Variants in TFEC observed in about 807,000 individuals in gnomAD.
TFEC encodes transcription factor EC.
TFEC carries 31 observed loss-of-function variants against 41.6 expected under a neutral mutation model. The ratio of observed to expected loss-of-function variants is 0.74; its 90% CI spans 0.56 to 1.01. The LOEUF (loss-of-function observed/expected upper bound fraction) is 1.01. TFEC is among the 50% of genes least tolerant of loss of function. The pLI, the probability that TFEC is intolerant of heterozygous loss-of-function variation, is 0.00. For missense variants in TFEC, 402 were observed against 404.1 expected, an observed-to-expected ratio of 0.99 and a Z score of 0.04; for synonymous variants, 143 against 140.6, an observed-to-expected ratio of 1.02 and a Z score of -0.12.
At chr7:115,998,070 G>A (rs1794438512) in intron 1 of TFEC, among the ~76,000 whole-genome samples, 1 of 151,974 alleles carries the variant, frequency 6.6e-6, no homozygotes, top group African/African-American at 2.4e-5. Flanking sequence ...AACTTCCCAA[G>A]CCTAGAGAAA....
chr7:116,121,183 A>C (rs1229904561), intron 1 of TFEC, among the ~76,000 whole-genome samples: 3 of 152,028 alleles, frequency 2.0e-5, no homozygotes, highest in Non-Finnish European at 4.4e-5. Context: ...CTGCAAAATG[A>C]GGTATATACC....
chr7:116,013,694 A>G (rs1795086976), intron 1 of TFEC, among the ~76,000 whole-genome samples: 1 of 152,174 alleles, frequency 6.6e-6, no homozygotes, highest in African/African-American at 2.4e-5. Context: ...TTATCAGTTA[A>G]TAAGTATAAT....
chr7:115,978,079 T>C (rs954289360), intron 2 of TFEC, among the ~76,000 whole-genome samples: 1 of 152,104 alleles, frequency 6.6e-6, no homozygotes, highest in Non-Finnish European at 1.5e-5. Context: ...AGAATATAAA[T>C]GAGTTAACAT....
At chr7:116,094,489 G>A (rs1399063766) in intron 3 of TFEC, among the ~76,000 whole-genome samples, 2 of 151,896 alleles carry the variant, frequency 1.3e-5, no homozygotes, top group Non-Finnish European at 2.9e-5. Context: ...GACCATCCTG[G>A]CTAATATGAT....
At chr7:116,111,140 G>T (rs1562973039) in intron 2 of TFEC, among the ~76,000 whole-genome samples, 1 of 151,228 alleles carries the variant, frequency 6.6e-6, no homozygotes, top group African/African-American at 2.4e-5. Flanking sequence ...AGAAGAAACA[G>T]TTGGCATTCA....
At chr7:116,082,694 T>C (rs1797117798) in intron 3 of TFEC, among the ~76,000 whole-genome samples, 1 of 152,082 alleles carries the variant, frequency 6.6e-6, no homozygotes, top group East Asian at 1.9e-4. Context: ...TGCCATAATT[T>C]TTTTTGGCAA....
At chr7:116,033,488 T>C (rs143770558), upstream of TFEC, among the ~76,000 whole-genome samples, 255 of 152,270 alleles carry the variant, frequency 1.7e-3, 1 homozygote, top group African/African-American at 5.7e-3. Flanking sequence ...ATGTGAGTTT[T>C]ACCCATTTTC....
intron 1 of TFEC, among the ~76,000 whole-genome samples, chr7:116,138,372 G>A (rs1223065542): frequency 6.6e-6 from 1 of 152,040 alleles, no homozygotes; most frequent in African/African-American, 2.4e-5. Flanking sequence ...GTTCCATTCT[G>A]ACTTTTGTCC....
chr7:116,146,726 A>G (rs1019175675), intron 1 of TFEC, among the ~76,000 whole-genome samples: 1 of 152,194 alleles, frequency 6.6e-6, no homozygotes, highest in East Asian at 1.9e-4. Context: ...CAAGGAACAA[A>G]CAATCATGAG....
intron 3 of TFEC, among the ~76,000 whole-genome samples, chr7:116,080,154 T>G (rs1319570063): frequency 6.6e-6 from 1 of 152,058 alleles, no homozygotes; most frequent in Non-Finnish European, 1.5e-5. Context: ...TAGATCCTCA[T>G]CTCTCACATT....
chr7:116,159,583 A>G (rs1798934947), intron 1 of TFEC, among the ~76,000 whole-genome samples: 1 of 152,138 alleles, frequency 6.6e-6, no homozygotes, highest in Admixed American at 6.6e-5. Context: ...CCAGTGAAGC[A>G]TTATAATCAA....
chr7:116,103,195 C>T (rs1797642218), intron 3 of TFEC, among the ~76,000 whole-genome samples: 1 of 152,036 alleles, frequency 6.6e-6, no homozygotes, highest in Admixed American at 6.6e-5. Flanking sequence ...CACTTGGAGC[C>T]CCAGGGAAGC....
At chr7:116,147,422 T>C (rs183133699) in intron 1 of TFEC, among the ~76,000 whole-genome samples, 5 of 152,186 alleles carry the variant, frequency 3.3e-5, no homozygotes, top group African/African-American at 1.2e-4. Flanking sequence ...TTTTTTATTA[T>C]ACTTTAAGTT....
intron 3 of TFEC, among the ~76,000 whole-genome samples, chr7:116,042,822 T>G (rs1245654165): frequency 6.6e-6 from 1 of 152,180 alleles, no homozygotes; most frequent in East Asian, 1.9e-4. Context: ...GGGAAATTGC[T>G]GAATAAACGT....
intron 1 of TFEC, among the ~76,000 whole-genome samples, chr7:116,152,548 C>G (rs1020690112): frequency 3.3e-5 from 5 of 152,098 alleles, no homozygotes; most frequent in African/African-American, 1.2e-4. Context: ...TGGAAAGGAG[C>G]AGAAGGAACA....
rs1793358671 is a variant in TFEC at position 115,938,980 on chromosome 7, T to C, written c.*1571A>G. ...TATTATTCTCACTTTTATCATTTGG[T>C]TGGTATTATTCCTTTATATGCCCTC... On this transcript the variant is annotated 3_prime_UTR_variant, in exon 8 of 8. Transcript: ENST00000265440. The C allele has an allele frequency of 6.6e-6, 1 of 151,930 alleles. No individual in the cohort carries two copies. The highest frequency in any genetic ancestry group is 1.5e-5 in the Non-Finnish European group (1 of 67,918). The allele number at this position is 151,930 out of a possible 1,614,324, so 9.4% of individuals were successfully genotyped here.
intron 1 of TFEC, among the ~76,000 whole-genome samples, chr7:116,007,378 T>G (rs1374499837): frequency 6.6e-6 from 1 of 152,210 alleles, no homozygotes; most frequent in Non-Finnish European, 1.5e-5. Context: ...AGTCAGAAAT[T>G]AATTAAGATT....
intron 3 of TFEC, among the ~76,000 whole-genome samples, chr7:115,961,734 T>G (rs555821251): frequency 3.0e-4 from 45 of 151,892 alleles, no homozygotes; most frequent in African/African-American, 1.1e-3. Flanking sequence ...AAAAAGTTTC[T>G]CCACTAAGCT....
At chr7:115,957,309 C>T (rs1167444322) in intron 3 of TFEC, among the ~76,000 whole-genome samples, 1 of 151,754 alleles carries the variant, frequency 6.6e-6, no homozygotes, top group Non-Finnish European at 1.5e-5. Context: ...TCTTCCCTTC[C>T]TGGAAGGCAT....
Sources: allele counts gnomAD v4.1 joint callset (sites outside exome capture counted in the v4.1 genomes callset), GRCh38; gene constraint gnomAD v4.1.1; transcripts MANE v1.5; gene names NCBI Gene and HGNC (gene_info 2026-07-23, HGNC 2026-07-21).